Variants in MCRS1 observed in about 807,000 individuals in gnomAD.
The protein encoded by MCRS1 is microspherule protein 1.
MCRS1 carries 22 observed loss-of-function variants against 62.9 expected under a neutral mutation model. The observed-to-expected ratio is 0.35, with a 90% CI of 0.25 to 0.50. The LOEUF (loss-of-function observed/expected upper bound fraction) is 0.50, where lower values mean the gene tolerates loss of function less well. Ranked by LOEUF, MCRS1 falls within the 20% of genes least tolerant of loss-of-function variation. The pLI, the probability that MCRS1 is intolerant of heterozygous loss-of-function variation, is 0.98. For missense variants in MCRS1, 456 were observed against 601.1 expected, an observed-to-expected ratio of 0.76 and a Z score of 2.52; for synonymous variants, 244 against 233.5, an observed-to-expected ratio of 1.04 and a Z score of -0.41.
At chr12:49,566,363 G>A in intron 2 of MCRS1, 148 bp from the exon 3 acceptor site, 2 of 1,570,736 alleles carry the variant, frequency 1.3e-6, no homozygotes, top group Non-Finnish European at 1.7e-6. Context: ...GAGTTCCTTG[G>A]CCATCCAGAT....
chr12:49,562,390 T>C (rs1372279856), intron 8 of MCRS1, among the ~76,000 whole-genome samples: 2 of 152,190 alleles, frequency 1.3e-5, no homozygotes, highest in African/African-American at 2.4e-5. Context: ...TGCTGTGCTG[T>C]TGAGGCAAGA....
At chr12:49,567,167 C>A (rs1349028443) in intron 1 of MCRS1, among the ~76,000 whole-genome samples, 1 of 152,140 alleles carries the variant, frequency 6.6e-6, no homozygotes, top group Non-Finnish European at 1.5e-5. Context: ...ACAAGGGATT[C>A]TTTGGCCCAC....
chr12:49,566,585 G>A (rs1939076586), intron 2 of MCRS1, 137 bp downstream of exon 2: 2 of 1,486,388 alleles, frequency 1.3e-6, no homozygotes, highest in East Asian at 2.4e-5. Flanking sequence ...TCTGCCGACA[G>A]GTACATGGGT....
At chr12:49,565,159 G>A (rs1186481553) in intron 4 of MCRS1, 1 of 985,440 alleles carries the variant, frequency 1.0e-6, no homozygotes, top group Non-Finnish European at 1.2e-6. Context: ...TGAAAGTTGG[G>A]TGGGGAGGAT....
chr12:49,559,070 C>A lies in MCRS1; in HGVS notation c.1175-100G>T. ...CAGGAGCTTCCATGGACCAGCTCTG[C>A]TTCCTGCAGACACCAAGGAATCCCT... On this transcript the variant is annotated intron_variant, in intron 13 of 14. Coordinates refer to ENST00000343810, the MANE Select transcript of MCRS1 (RefSeq NM_006337.5). The surrounding 1 kb of genome is among the most constrained non-coding windows in gnomAD (Gnocchi z 5.2). The A allele has an allele frequency of 6.4e-7, 1 of 1,557,902 alleles. No individual in the cohort carries two copies.
chr12:49,565,495 T>C, intron 4 of MCRS1, 34 bp downstream of exon 4: 1 of 1,550,426 alleles, frequency 6.4e-7, no homozygotes, highest in Non-Finnish European at 8.7e-7. Context: ...AATCTGGCAC[T>C]ACCTCCCATC....
intron 2 of MCRS1, 168 bp from the exon 3 acceptor site, chr12:49,566,383 G>A (rs1395682844): frequency 1.9e-6 from 3 of 1,574,640 alleles, no homozygotes; most frequent in Admixed American, 1.9e-5. Flanking sequence ...TCCCATCTGG[G>A]CTCAGACCTG....
chr12:49,558,849 CACAG>C lies in MCRS1; in HGVS notation c.1292_1295del (p.Ser431TrpfsTer53). 3.7e-6 allele frequency: 6 copies of C among 1,613,208 alleles called. No homozygotes were observed. Among genetic ancestry groups the C allele is most frequent in the Non-Finnish European group, 5.1e-6 (6 of 1,180,018 alleles). On this transcript the variant is annotated frameshift_variant, in exon 14 of 15. Transcript: ENST00000343810. LOFTEE classifies it high-confidence loss of function. ...TGCCTCCTCCCCAGCTCACCTCCAC[CACAG>C]AGTTGTTGCTGAGGCGCCATTTGGA...
rs374501190 is a variant in MCRS1 at position 49,559,566 on chromosome 12, C to G, written c.1004-31G>C. On this transcript the variant is annotated intron_variant, in intron 11 of 14. Coordinates refer to ENST00000343810, the MANE Select transcript of MCRS1 (RefSeq NM_006337.5). This position sits in a 1 kb window ranked among gnomAD's most constrained non-coding sequence, Gnocchi z 5.2. ...AGAAGAGGGAGTTTGGAAGAGCCTA[C>G]CCCTGAGGGCCAGAATGCAAGGCAG... 5 of 1,605,298 alleles carry G rather than the reference C, an allele frequency of 3.1e-6. No individual in the cohort carries two copies. In the East Asian group the frequency reaches 1.1e-4, roughly 36 times the overall value.
rs749367910 is a variant in MCRS1, at chr12:49,564,884, G to A, written c.300C>T (p.Ala100=). Residue 100 remains alanine, a synonymous_variant, in exon 5 of 15, where the codon GCC becomes GCT. Transcript: ENST00000343810. The part of the protein sequence containing the change: ...SSSEKKKVSK[A]PSTPVPPSPA... ...GGCTGGGTGGCACAGGAGTGCTGGG[G>A]GCTTTGGATACCTGGGCAGAGGACA... The A allele has an allele frequency of 2.1e-5, 33 of 1,598,636 alleles. 1 individual carries two copies. In the South Asian group the frequency reaches 3.7e-4, roughly 18 times the overall value.
Position 49,565,444 on chromosome 12 carries a change from C to T in MCRS1, c.288+85G>A, listed in dbSNP as rs1939005959. 5.9e-6 allele frequency: 9 copies of T among 1,529,236 alleles called. No individual in the cohort carries two copies. The South Asian group carries it at 9.1e-5, about 16-fold the overall frequency. The allele number at this position is 1,529,236 out of a possible 1,614,324, so 94.7% of individuals were successfully genotyped here. On this transcript the variant is annotated intron_variant, in intron 4 of 14. Transcript: ENST00000343810. ...TTGGTCCTCTCACCAGCCTGCTCTG[C>T]AGGGCTCTTGGCAGCTGGCAAAGGT...
In MCRS1 at chr12:49,565,663, T is replaced by C; in HGVS notation, c.154A>G (p.Ile52Val). ...IPKRRSSSRF[I>V]KRKKFDDELV... Reference sequence around the variant, plus strand: ...TCATCATCGAACTTCTTCCTCTTGATGAACCTGTAAAGGGTCCTGCCCAGT... The same window carrying C: ...TCATCATCGAACTTCTTCCTCTTGACGAACCTGTAAAGGGTCCTGCCCAGT... The change falls in exon 4 of 15, where the codon ATC becomes GTC. Residue 52 changes from isoleucine (I) to valine (V), a missense_variant. Coordinates refer to ENST00000343810, the MANE Select transcript of MCRS1 (RefSeq NM_006337.5). 1 of 1,614,128 alleles carries C rather than the reference T, an allele frequency of 6.2e-7. No individual in the cohort carries two copies. The highest frequency in any genetic ancestry group is 8.5e-7 in the Non-Finnish European group (1 of 1,179,996).
Position 49,558,510 on chromosome 12 carries a change from G to T in MCRS1, c.*133C>A. 2.3e-6 allele frequency: 2 copies of T among 887,142 alleles called. No individual in the cohort carries two copies. The highest frequency in any genetic ancestry group is 3.4e-6 in the Non-Finnish European group (2 of 587,162). The allele number at this position is 887,142 out of a possible 1,614,324, so 55.0% of individuals were successfully genotyped here. On this transcript the variant is annotated 3_prime_UTR_variant, in exon 15 of 15. Coordinates refer to ENST00000343810, the MANE Select transcript of MCRS1 (RefSeq NM_006337.5). ...AAGGCCAGCCCTATCCTCCCTCAAA[G>T]GCTCAAATCAATGGCCCGCAGCTGA...
At chr12:49,564,631 G>A (rs763079596) in intron 5 of MCRS1, 41 bp from the exon 6 acceptor site, 3 of 1,608,572 alleles carry the variant, frequency 1.9e-6, no homozygotes, top group Non-Finnish European at 2.5e-6. Context: ...CTTGGAGCTG[G>A]GAACAACCCT....
At chr12:49,558,773 G>A (rs1317911008) in intron 14 of MCRS1, 44 bp from the exon 15 acceptor site, 5 of 1,613,580 alleles carry the variant, frequency 3.1e-6, no homozygotes, top group Non-Finnish European at 4.2e-6. Flanking sequence ...GTGGCACCAG[G>A]ACCAAGTTGG....
chr12:49,563,199 T>C, intron 7 of MCRS1, 60 bp from the exon 8 acceptor site: 1 of 1,538,586 alleles, frequency 6.5e-7, no homozygotes, highest in Non-Finnish European at 8.8e-7. Context: ...CTCTCTGCCT[T>C]ACCATCTCTA....
In MCRS1 at chr12:49,558,361, A is replaced by G. The variant is rs962857223; in HGVS notation, c.*282T>C. On this transcript the variant is annotated 3_prime_UTR_variant, in exon 15 of 15. Transcript: ENST00000343810. Reference sequence around the variant, plus strand: ...AACAATAAAAGAAGAGTCTGAGGCTAATCAGCTGGAGACACAGGAGTGAAG... The same window carrying G: ...AACAATAAAAGAAGAGTCTGAGGCTGATCAGCTGGAGACACAGGAGTGAAG... 4.4e-6 allele frequency: 2 copies of G among 453,306 alleles called. No homozygotes were observed. The highest frequency in any genetic ancestry group is 4.0e-5 in the African/African-American group (2 of 50,170). The allele number at this position is 453,306 out of a possible 1,614,324, so 28.1% of individuals were successfully genotyped here.
rs748954581 is a variant in MCRS1 at position 49,559,470 on chromosome 12, G to A, written c.1069C>T (p.Leu357=). ...TGCCTCACCTCACGCGAGCGCATCA[G>A]GTACCGCACCATGCGGCCCCGCAGC... ...AVLRGRMVRY[L]MRSREITLGR... The change falls in exon 12 of 15, where the codon CTG becomes TTG. Residue 357 remains leucine, a synonymous_variant. Transcript: ENST00000343810. This position sits in a 1 kb window ranked among gnomAD's most constrained non-coding sequence, Gnocchi z 5.2. The A allele has an allele frequency of 2.5e-6, 4 of 1,613,720 alleles. No individual in the cohort carries two copies. The South Asian group carries it at 3.3e-5, about 13-fold the overall frequency.
At chr12:49,563,322 GTGTGCA>G in intron 7 of MCRS1, 110 bp downstream of exon 7, 1 of 1,339,800 alleles carries the variant, frequency 7.5e-7, no homozygotes, top group Non-Finnish European at 1.0e-6. Context: ...ATGTGCACAC[GTGTGCA>G]TGTGCACATA....
Sources: gnomAD v4.1 joint callset for allele counts (sites outside exome capture counted in the v4.1 genomes callset) on GRCh38, gnomAD v4.1.1 for gene constraint, Gnocchi (gnomAD v3.1) non-coding constraint, MANE v1.5 for transcripts, NCBI Gene and HGNC (gene_info 2026-07-23, HGNC 2026-07-21) for gene names.